PRAMEF15: variants seen among roughly 807,000 people sequenced by gnomAD.
PRAMEF15 encodes PRAME family member 15.
In PRAMEF15, 21 loss-of-function variants were observed where a neutral mutation model predicts 35.3. That is an observed-to-expected ratio of 0.59 (90% CI 0.42 to 0.86). The LOEUF is 0.86. PRAMEF15 is among the 40% of genes least tolerant of loss of function. The pLI is 0.00. For missense variants in PRAMEF15, 360 were observed against 574.1 expected (o/e 0.63, Z 3.81); for synonymous variants, 122 against 223.3 (o/e 0.55, Z 4.05).
At chr1:13,316,676 A>C (rs1364799053) in intron 1 of PRAMEF15, among the ~76,000 whole-genome samples, 1 of 151,836 alleles carries the variant, frequency 6.6e-6, no homozygotes, top group Non-Finnish European at 1.5e-5. Context: ...AAAAAATTAT[A>C]TGACCCAGGT....
intron 1 of PRAMEF15, among the ~76,000 whole-genome samples, chr1:13,316,867 C>T (rs1194088434): frequency 6.6e-6 from 1 of 151,110 alleles, no homozygotes; most frequent in Non-Finnish European, 1.5e-5. Context: ...CAACCCTTCC[C>T]TGTCTCACAC....
intron 3 of PRAMEF15, among the ~76,000 whole-genome samples, chr1:13,321,036 A>G (rs1365250623): frequency 6.6e-6 from 1 of 151,842 alleles, no homozygotes; most frequent in Non-Finnish European, 1.5e-5. Flanking sequence ...ACCCCAGCTG[A>G]TGTTGCAGGA....
intron 3 of PRAMEF15, among the ~76,000 whole-genome samples, chr1:13,321,229 TTTC>T (rs1640079501): frequency 6.9e-6 from 1 of 145,714 alleles, no homozygotes. Flanking sequence ...CTTTTTTTTT[TTTC>T]AAAACAGAGT....
At chr1:13,320,710 T>C (rs1640073134) in intron 3 of PRAMEF15, among the ~76,000 whole-genome samples, 1 of 152,002 alleles carries the variant, frequency 6.6e-6, no homozygotes, top group African/African-American at 2.4e-5. Context: ...AGGCGAGAGC[T>C]ACCACGCCCA....
chr1:13,320,702 G>C (rs1640073021), intron 3 of PRAMEF15, among the ~76,000 whole-genome samples: 1 of 152,080 alleles, frequency 6.6e-6, no homozygotes, highest in African/African-American at 2.4e-5. Flanking sequence ...GGGATTATAG[G>C]CGAGAGCTAC....
rs1447194244 is a variant in PRAMEF15, at chr1:13,315,644, C to T, written c.-31C>T. ...TCCTGAGGTCTGAGCACCTTCTAGA[C>T]TACATCCAGATCTGGTAAGTCACTA... On this transcript the variant is annotated 5_prime_UTR_variant, in exon 1 of 4. Coordinates refer to ENST00000376152, the MANE Select transcript of PRAMEF15 (RefSeq NM_001098376.3). 6.6e-6 allele frequency: 1 copy of T among 151,386 alleles called. No homozygotes were observed. Among genetic ancestry groups the T allele is most frequent in the African/African-American group, 2.4e-5 (1 of 40,996 alleles). The allele number at this position is 151,386 out of a possible 1,614,324, so 9.4% of individuals were successfully genotyped here. A position where few individuals can be genotyped will look rare whatever the true frequency, so the allele number is the denominator to read the frequency against.
Position 13,319,702 on chromosome 1 carries a change from T to C in PRAMEF15, c.624T>C (p.Cys208=), listed in dbSNP as rs1334358463. 1 of 1,587,814 alleles carries C rather than the reference T, an allele frequency of 6.3e-7. No homozygotes were observed. Among genetic ancestry groups the C allele is most frequent in the Non-Finnish European group, 8.6e-7 (1 of 1,168,374 alleles). ...RSILKMVNLD[C]IQEVEVNCKW... ...TCCTGAAAATGGTGAACCTAGACTG[T>C]ATCCAGGAGGTGGAAGTGAATTGCA... The change falls in exon 3 of 4, where the codon TGT becomes TGC. Residue 208 remains cysteine (C), a synonymous_variant. Coordinates refer to ENST00000376152, the MANE Select transcript of PRAMEF15 (RefSeq NM_001098376.3).
rs1270112308 is a variant in PRAMEF15 at position 13,319,419 on chromosome 1, T to C, written c.341T>C (p.Phe114Ser). 1.9e-6 allele frequency: 3 copies of C among 1,612,460 alleles called. No homozygotes were observed. In the African/African-American group the frequency reaches 4.0e-5, roughly 22 times the overall value. The change falls in exon 3 of 4, where the codon TTC (phenylalanine) becomes TCC (serine). Residue 114 changes from phenylalanine to serine, a missense_variant. Phe to Ser is a radical substitution (Grantham distance 155). Transcript: ENST00000376152. ...GATTTACAGGATGTCTGTGAGAACTTCTGGATGGTTTGGTCTGAAGCTATG... is the reference window on the plus strand; with the variant it reads ...GATTTACAGGATGTCTGTGAGAACTCCTGGATGGTTTGGTCTGAAGCTATG... The part of the protein sequence containing the change: ...VLDLQDVCEN[F>S]WMVWSEAMAH...
Position 13,319,414 on chromosome 1 carries a change from G to A in PRAMEF15, c.336G>A (p.Glu112=). 1.9e-6 allele frequency: 3 copies of A among 1,612,298 alleles called. No homozygotes were observed. Among genetic ancestry groups the A allele is most frequent in the South Asian group, 2.2e-5 (2 of 91,004 alleles). The change falls in exon 3 of 4, where the codon GAG becomes GAA. Residue 112 remains glutamate, a synonymous_variant. Coordinates refer to ENST00000376152, the MANE Select transcript of PRAMEF15 (RefSeq NM_001098376.3). ...LQVLDLQDVC[E]NFWMVWSEAM... ...TGCTGGATTTACAGGATGTCTGTGA[G>A]AACTTCTGGATGGTTTGGTCTGAAG... is the stretch of plus-strand genomic sequence containing the variant.
rs375566005 is a variant in PRAMEF15, at chr1:13,319,193, CA to C, written c.294-164del. On this transcript the variant is annotated intron_variant, in intron 2 of 3. Coordinates refer to ENST00000376152, the MANE Select transcript of PRAMEF15 (RefSeq NM_001098376.3). Reference sequence around the variant, plus strand: ...TGGGCGACACAGGGAGACTTGGTCTCAAAAAAAAAAAAAAACAAAACAATGT... The same window carrying C: ...TGGGCGACACAGGGAGACTTGGTCTCAAAAAAAAAAAAAACAAAACAATGT... 6.5e-3 allele frequency among the ~76,000 whole-genome samples: 504 copies of C among 77,148 alleles called. 9 individuals carry two copies. The highest frequency in any genetic ancestry group is 0.017 in the African/African-American group (390 of 22,530). 50.6% of individuals were successfully genotyped at this position (77,148 alleles called of 152,430 possible). A position where few individuals can be genotyped will look rare whatever the true frequency, so the allele number is the denominator to read the frequency against.
rs1248063015 is a variant in PRAMEF15, at chr1:13,322,132, A to G, written c.1305A>G (p.Gln435=). 9 of 1,609,382 alleles carry G rather than the reference A, an allele frequency of 5.6e-6. No homozygotes were observed. Among genetic ancestry groups the G allele is most frequent in the African/African-American group, 1.3e-5 (1 of 74,172 alleles). ...CTCTCTGCTGGAGCAGATTTGCTCAAATTAGGGCTGAGCTGATGAACAGAG... is the reference window on the plus strand; with the variant it reads ...CTCTCTGCTGGAGCAGATTTGCTCAGATTAGGGCTGAGCTGATGAACAGAG... The part of the protein sequence containing the change: ...DGTLCWSRFA[Q]IRAELMNRVR... The change falls in exon 4 of 4, where the codon CAA becomes CAG. Residue 435 remains glutamine (Q), a synonymous_variant. Coordinates refer to ENST00000376152, the MANE Select transcript of PRAMEF15 (RefSeq NM_001098376.3).
chr1:13,317,183 C>T (rs1288372489), intron 1 of PRAMEF15, among the ~76,000 whole-genome samples: 73 of 151,766 alleles, frequency 4.8e-4, no homozygotes, highest in African/African-American at 1.6e-3. Flanking sequence ...GATCCTCCTA[C>T]CTCAGCCTCC....
intron 1 of PRAMEF15, among the ~76,000 whole-genome samples, chr1:13,317,002 A>G (rs1180198027): frequency 3.3e-5 from 5 of 149,480 alleles, no homozygotes; most frequent in Admixed American, 6.7e-5. Context: ...TAATTCGATC[A>G]GTTATTCTTT....
At chr1:13,319,338 T>C in intron 2 of PRAMEF15, 34 bp from the exon 3 acceptor site, 1 of 1,606,854 alleles carries the variant, frequency 6.2e-7, no homozygotes. Flanking sequence ...AAATGAGTTC[T>C]TAAATTCTCA....
intron 1 of PRAMEF15, among the ~76,000 whole-genome samples, chr1:13,315,888 A>G (rs1639996238): frequency 6.6e-6 from 1 of 151,922 alleles, no homozygotes; most frequent in African/African-American, 2.4e-5. Flanking sequence ...TGAAGGGAGC[A>G]GTGACTCATG....
chr1:13,317,084 G>C (rs1358015572), intron 1 of PRAMEF15, among the ~76,000 whole-genome samples: 1,833 of 151,406 alleles, frequency 0.012, 3 homozygotes, highest in Non-Finnish European at 0.019. Context: ...AGCTCTCTCT[G>C]TCTCTCAGTT....
chr1:13,318,977 C>T (rs1275942546), intron 2 of PRAMEF15, among the ~76,000 whole-genome samples: 1 of 151,970 alleles, frequency 6.6e-6, no homozygotes, highest in African/African-American at 2.4e-5. Flanking sequence ...CATTGGGAGG[C>T]TGAGGTCAAG....
intron 3 of PRAMEF15, among the ~76,000 whole-genome samples, chr1:13,320,664 T>C (rs1236125095): frequency 6.6e-6 from 1 of 152,016 alleles, no homozygotes; most frequent in Non-Finnish European, 1.5e-5. Flanking sequence ...CTTCAGGTGA[T>C]CCACCCACCA....
chr1:13,319,827 T>A lies in PRAMEF15; in HGVS notation c.749T>A (p.Val250Asp). 6.2e-7 allele frequency: 1 copy of A among 1,602,322 alleles called. No individual in the cohort carries two copies. The highest frequency in any genetic ancestry group is 1.1e-5 in the South Asian group (1 of 91,006). The change falls in exon 3 of 4, where the codon GTT (valine) becomes GAT (aspartate). Residue 250 changes from valine to aspartate, a missense_variant. Val to Asp is a radical substitution (Grantham distance 152). This residue lies in a region of PRAMEF15 where 36 missense variants were observed against 164.8 expected (regional missense o/e 0.22). Transcript: ENST00000376152. The part of the protein sequence containing the change: ...VLSHMDVSRY[V>D]SPEQKKEIVT... ...TCCCACATGGATGTCTCTCGCTACG[T>A]TTCCCCAGAGCAGAAGAAGGAGATT...
Sources: allele counts gnomAD v4.1 joint callset (sites outside exome capture counted in the v4.1 genomes callset), GRCh38; gene constraint gnomAD v4.1.1; regional missense constraint gnomAD v4.1.1; transcripts MANE v1.5; gene names NCBI Gene and HGNC (gene_info 2026-07-23, HGNC 2026-07-21).